The following COL4A3 variants were observed in gnomAD, a reference collection of about 807,000 sequenced individuals.
COL4A3 encodes the protein collagen alpha-3(IV) chain.
Under a neutral mutation model 217.4 loss-of-function variants are expected in COL4A3, and 135 were observed. The observed-to-expected ratio is 0.62, with a 90% CI of 0.54 to 0.72. The LOEUF is 0.72. COL4A3 is among the 30% of genes least tolerant of loss of function. COL4A3 has a pLI of 0.00. For synonymous variants in COL4A3, 690 were observed against 736.3 expected (o/e 0.94, Z 1.02); for missense variants, 1,868 against 2,119.9 (o/e 0.88, Z 2.33).
intron 1 of COL4A3, among the ~76,000 whole-genome samples, chr2:227,174,576 G>T (rs111348496): frequency 6.6e-6 from 1 of 151,932 alleles, no homozygotes; most frequent in Admixed American, 6.5e-5. Flanking sequence ...GCGCAATCTC[G>T]GCTCACTGCA....
rs1327895458 is a variant in COL4A3, at chr2:227,164,965, G to A, written c.87+152G>A. On this transcript the variant is annotated intron_variant, in intron 1 of 51. Coordinates refer to ENST00000396578, the MANE Select transcript of COL4A3 (RefSeq NM_000091.5). The surrounding 1 kb of genome is among the most constrained non-coding windows in gnomAD (Gnocchi z 4.8). Reference sequence around the variant, plus strand: ...GGGCTTCACGCAGGTCCCGGGACAGGCAGCGAGCGGAAGGGAGCAAGCGGG... The same window carrying A: ...GGGCTTCACGCAGGTCCCGGGACAGACAGCGAGCGGAAGGGAGCAAGCGGG... The A allele has an allele frequency of 2.9e-6, 3 of 1,025,120 alleles. No individual in the cohort carries two copies. The highest frequency in any genetic ancestry group is 4.0e-6 in the Non-Finnish European group (3 of 748,036). The allele number at this position is 1,025,120 out of a possible 1,614,324, so 63.5% of individuals were successfully genotyped here.
At chr2:227,260,248 G>T (rs943035865) in intron 19 of COL4A3, among the ~76,000 whole-genome samples, 3 of 152,192 alleles carry the variant, frequency 2.0e-5, no homozygotes, top group Admixed American at 1.3e-4. Flanking sequence ...CTGAAACCCT[G>T]GTTTCCTGAT....
In COL4A3 at chr2:227,303,111, G is replaced by A; in HGVS notation, c.3955+1G>A. The A allele has an allele frequency of 6.2e-7, 1 of 1,613,456 alleles. No individual in the cohort carries two copies. The highest frequency in any genetic ancestry group is 8.5e-7 in the Non-Finnish European group (1 of 1,179,458). On this transcript the variant is annotated splice_donor_variant, in intron 44 of 51. Coordinates refer to ENST00000396578, the MANE Select transcript of COL4A3 (RefSeq NM_000091.5). LOFTEE classifies it high-confidence loss of function. ...TTCCAGGGGTTTCCAGGCGTGAAAG[G>A]TACTGTTTTTGTGCATTGCTCTTTA... is the stretch of plus-strand genomic sequence containing the variant.
At chr2:227,203,571 A>G (rs763123370) in intron 1 of COL4A3, among the ~76,000 whole-genome samples, 4 of 7,980 alleles carry the variant, frequency 5.0e-4, no homozygotes, top group Non-Finnish European at 4.0e-4. Flanking sequence ...ATATACATAT[A>G]TGTGTGTATA....
At chr2:227,268,721 G>A (rs2071069529) in intron 23 of COL4A3, 5 of 152,266 alleles carry the variant, frequency 3.3e-5, no homozygotes, top group Admixed American at 2.0e-4. Flanking sequence ...GGTAGGAGCT[G>A]TTCCTCTTGT....
At chr2:227,221,138 C>T (rs542214753) in intron 1 of COL4A3, 3 of 152,318 alleles carry the variant, frequency 2.0e-5, no homozygotes, top group African/African-American at 7.2e-5. Flanking sequence ...ATTATCAACA[C>T]CTGTACATGT....
chr2:227,297,598 A>G (rs2073085532), intron 41 of COL4A3, 76 bp from the exon 42 acceptor site: 2 of 1,376,566 alleles, frequency 1.5e-6, no homozygotes, highest in South Asian at 1.3e-5. Flanking sequence ...AAGTACCTAC[A>G]TTATTAAAGA....
rs1199261361 is a variant in COL4A3, at chr2:227,249,212, G to GTGTATATA, written c.546+693_546+694insGTATATAT. 2.1e-4 allele frequency among the ~76,000 whole-genome samples: 7 copies of GTGTATATA among 33,232 alleles called. 1 individual carries two copies. Among genetic ancestry groups the GTGTATATA allele is most frequent in the African/African-American group, 4.2e-4 (4 of 9,614 alleles). The allele number at this position is 33,232 out of a possible 152,430, so 21.8% of individuals were successfully genotyped here. On this transcript the variant is annotated intron_variant, in intron 9 of 51. Transcript: ENST00000396578. ...AATTATATATAACCAAAATTAGCTA[G>GTGTATATA]TATATATATATATATATATTTTTTT...
chr2:227,256,037 A>T lies in COL4A3; in HGVS notation c.900A>T (p.Gly300=). The stretch of plus-strand genomic sequence containing the variant: ...TGTTTTTGCTGTAGGGAAAACCCGG[A>T]AAAGATGGTGTTCCTGGCTTCCCTG... ...PGDPGLQGKP[G]KDGVPGFPGS... is the part of the protein sequence containing the mutation. Residue 300 remains glycine (G), a synonymous_variant, in exon 16 of 52, where the codon GGA becomes GGT. Transcript: ENST00000396578. The T allele has an allele frequency of 6.2e-7, 1 of 1,613,952 alleles. No individual in the cohort carries two copies. The highest frequency in any genetic ancestry group is 1.1e-5 in the South Asian group (1 of 91,080).
At chr2:227,241,877 T>C (rs2069042028) in intron 3 of COL4A3, among the ~76,000 whole-genome samples, 1 of 152,138 alleles carries the variant, frequency 6.6e-6, no homozygotes, top group South Asian at 2.1e-4. Context: ...GTTCCCATCA[T>C]TACCTCCACT....
At chr2:227,171,922 T>C (rs2065487623) in intron 1 of COL4A3, among the ~76,000 whole-genome samples, 1 of 152,126 alleles carries the variant, frequency 6.6e-6, no homozygotes. Flanking sequence ...ACTTCTGGGG[T>C]CTAGGGTCCC....
At chr2:227,186,502 G>T (rs1488081523) in intron 1 of COL4A3, among the ~76,000 whole-genome samples, 1 of 152,172 alleles carries the variant, frequency 6.6e-6, no homozygotes, top group African/African-American at 2.4e-5. Context: ...CACAAAAGGA[G>T]TTTGAATTTG....
At chr2:227,291,198 T>C (rs1173183850) in intron 37 of COL4A3, among the ~76,000 whole-genome samples, 1 of 152,116 alleles carries the variant, frequency 6.6e-6, no homozygotes, top group Non-Finnish European at 1.5e-5. Flanking sequence ...TTTTTTCTTG[T>C]GATACAAAGT....
intron 1 of COL4A3, among the ~76,000 whole-genome samples, chr2:227,205,389 CA>C (rs1375413203): frequency 6.6e-6 from 1 of 152,016 alleles, no homozygotes; most frequent in Non-Finnish European, 1.5e-5. Flanking sequence ...TCCAGATTGC[CA>C]ATCTCTGCAA....
chr2:227,188,232 A>C (rs919488136), intron 1 of COL4A3, among the ~76,000 whole-genome samples: 1 of 152,110 alleles, frequency 6.6e-6, no homozygotes. Flanking sequence ...TTGTAAAAAA[A>C]AAAATCACTT....
In COL4A3 at chr2:227,305,325, G is replaced by A. The variant is rs1028222840; in HGVS notation, c.4252+242G>A. On this transcript the variant is annotated intron_variant, in intron 47 of 51. Transcript: ENST00000396578. Reference sequence around the variant, plus strand: ...CAAACTGATGCACAGTTTAGCCTGAGGACAAATAGAACTAATAAGTCCTAT... The same window carrying A: ...CAAACTGATGCACAGTTTAGCCTGAAGACAAATAGAACTAATAAGTCCTAT... The A allele has an allele frequency of 6.3e-6, 3 of 472,732 alleles. 1 individual carries two copies. In the South Asian group the frequency reaches 6.3e-5, roughly 10 times the overall value. The allele number at this position is 472,732 out of a possible 1,614,324, so 29.3% of individuals were successfully genotyped here.
rs962395125 is a variant in COL4A3 at position 227,282,786 on chromosome 2, T to C, written c.2656+254T>C. Reference sequence around the variant, plus strand: ...ACGACTACTATAATATACTTGCTAGTATTTTGTTGAGAATTTTTGCATTTA... The same window carrying C: ...ACGACTACTATAATATACTTGCTAGCATTTTGTTGAGAATTTTTGCATTTA... On this transcript the variant is annotated intron_variant, in intron 32 of 51. Coordinates refer to ENST00000396578, the MANE Select transcript of COL4A3 (RefSeq NM_000091.5). This position sits in a 1 kb window ranked among gnomAD's most constrained non-coding sequence, Gnocchi z 4.4. 2.6e-5 allele frequency among the ~76,000 whole-genome samples: 4 copies of C among 152,166 alleles called. No homozygotes were observed. Among genetic ancestry groups the C allele is most frequent in the African/African-American group, 9.7e-5 (4 of 41,448 alleles).
chr2:227,226,151 A>G (rs558193433), intron 1 of COL4A3, among the ~76,000 whole-genome samples: 1 of 152,284 alleles, frequency 6.6e-6, no homozygotes, highest in Admixed American at 6.5e-5. Flanking sequence ...GGAGGTGGCC[A>G]TTGCTCTTAT....
chr2:227,205,596 TTAAAA>T (rs1251095381), intron 1 of COL4A3, among the ~76,000 whole-genome samples: 1 of 148,024 alleles, frequency 6.8e-6, no homozygotes, highest in Non-Finnish European at 1.5e-5. Context: ...ATTGATTAAA[TTAAAA>T]TAACATGGAA....
Sources: allele counts gnomAD v4.1 joint callset (sites outside exome capture counted in the v4.1 genomes callset), GRCh38; gene constraint gnomAD v4.1.1; non-coding constraint Gnocchi (gnomAD v3.1); transcripts MANE v1.5; gene names NCBI Gene and HGNC (gene_info 2026-07-23, HGNC 2026-07-21).